The following LSAMP variants were observed in gnomAD, a reference collection of about 807,000 sequenced individuals.
LSAMP encodes limbic system-associated membrane protein.
LSAMP carries 7 observed loss-of-function variants against 38.6 expected under a neutral mutation model. That is an observed-to-expected ratio of 0.18 (90% confidence interval 0.10 to 0.34). The LOEUF (loss-of-function observed/expected upper bound fraction) is 0.34, where lower values mean the gene tolerates loss of function less well. Ranked by LOEUF, LSAMP falls within the 10% of genes least tolerant of loss-of-function variation. The pLI, the probability that LSAMP is intolerant of heterozygous loss-of-function variation, is 1.00. For synonymous variants in LSAMP, 154 were observed against 166.8 expected, an observed-to-expected ratio of 0.92 and a Z score of 0.59; for missense variants, 313 against 420.0, an observed-to-expected ratio of 0.75 and a Z score of 2.23.
At chr3:116,190,610 T>G (rs1042711767) in intron 1 of LSAMP, among the ~76,000 whole-genome samples, 1 of 152,184 alleles carries the variant, frequency 6.6e-6, no homozygotes, top group Admixed American at 6.5e-5. Flanking sequence ...CAGTAAAAAG[T>G]GTATGCATCA....
At chr3:115,928,097 A>G (rs1937521419) in intron 3 of LSAMP, among the ~76,000 whole-genome samples, 1 of 152,250 alleles carries the variant, frequency 6.6e-6, no homozygotes, top group Non-Finnish European at 1.5e-5. Context: ...TATATGCTCA[A>G]CAAAATTTGC....
intron 1 of LSAMP, among the ~76,000 whole-genome samples, chr3:116,221,014 G>A (rs759550108): frequency 4.6e-5 from 7 of 151,870 alleles, no homozygotes; most frequent in Non-Finnish European, 7.4e-5. Context: ...TTAGCCCGGC[G>A]TGGTGGCGGG....
chr3:116,161,106 G>C (rs1237526982), intron 1 of LSAMP, among the ~76,000 whole-genome samples: 2 of 152,142 alleles, frequency 1.3e-5, no homozygotes, highest in African/African-American at 4.8e-5. Flanking sequence ...AAGTGTGAAT[G>C]GTCACATGTG....
intron 1 of LSAMP, among the ~76,000 whole-genome samples, chr3:116,294,608 C>T (rs1312982260): frequency 6.6e-6 from 1 of 152,070 alleles, no homozygotes; most frequent in Non-Finnish European, 1.5e-5. Context: ...ATCAGTGTTT[C>T]CTATTGTGCC....
intron 2 of LSAMP, among the ~76,000 whole-genome samples, chr3:116,032,599 A>C (rs1316540257): frequency 6.6e-6 from 1 of 152,082 alleles, no homozygotes; most frequent in Non-Finnish European, 1.5e-5. Context: ...AGTTTGAGAC[A>C]AGCCTGGGCA....
At chr3:116,210,552 C>T (rs557997381) in intron 1 of LSAMP, among the ~76,000 whole-genome samples, 8 of 152,188 alleles carry the variant, frequency 5.3e-5, no homozygotes, top group African/African-American at 1.2e-4. Context: ...GCTGCATCGT[C>T]GGCTTCCCTA....
chr3:115,957,531 G>C (rs897735005), intron 3 of LSAMP, among the ~76,000 whole-genome samples: 1 of 152,036 alleles, frequency 6.6e-6, no homozygotes. Context: ...TCCTCAAAGG[G>C]ACATTAGGAC....
chr3:116,425,705 A>G (rs555612781), intron 1 of LSAMP, among the ~76,000 whole-genome samples: 1 of 152,308 alleles, frequency 6.6e-6, no homozygotes, highest in Admixed American at 6.5e-5. Flanking sequence ...ATCAGCAAAC[A>G]TAAGCACAAA....
At chr3:116,001,151 G>A (rs1228392926) in intron 3 of LSAMP, among the ~76,000 whole-genome samples, 1 of 151,922 alleles carries the variant, frequency 6.6e-6, no homozygotes, top group Non-Finnish European at 1.5e-5. Context: ...GGCAGTGCAA[G>A]TTCCTAAAGT....
intron 3 of LSAMP, among the ~76,000 whole-genome samples, chr3:115,980,521 C>G (rs1939326407): frequency 1.3e-5 from 2 of 152,106 alleles, no homozygotes; most frequent in African/African-American, 4.8e-5. Flanking sequence ...TAGCAGAAAA[C>G]AGTTCTATAT....
intron 3 of LSAMP, among the ~76,000 whole-genome samples, chr3:115,944,762 T>A (rs1371375226): frequency 1.3e-5 from 2 of 152,190 alleles, no homozygotes; most frequent in Non-Finnish European, 2.9e-5. Context: ...TAGAGGTGGC[T>A]GAGCTAGAAT....
chr3:115,936,785 A>C (rs1559887886), intron 3 of LSAMP, among the ~76,000 whole-genome samples: 1 of 152,156 alleles, frequency 6.6e-6, no homozygotes, highest in Non-Finnish European at 1.5e-5. Flanking sequence ...GGTGCTGGAA[A>C]TACATATAAT....
At chr3:116,301,752 C>G (rs942942892) in intron 1 of LSAMP, among the ~76,000 whole-genome samples, 1 of 152,092 alleles carries the variant, frequency 6.6e-6, no homozygotes, top group Non-Finnish European at 1.5e-5. Flanking sequence ...ACTTAGAATA[C>G]AAGTATAAAA....
intron 1 of LSAMP, among the ~76,000 whole-genome samples, chr3:116,309,438 T>C (rs1022818571): frequency 6.6e-6 from 1 of 152,124 alleles, no homozygotes; most frequent in African/African-American, 2.4e-5. Context: ...ATTAGTGAGA[T>C]TGAAGAGCTT....
chr3:116,435,710 GA>G (rs1245101949), intron 1 of LSAMP, among the ~76,000 whole-genome samples: 3 of 152,144 alleles, frequency 2.0e-5, no homozygotes, highest in Non-Finnish European at 2.9e-5. Flanking sequence ...TCTATTGGGG[GA>G]AAAAAGTTCT....
intron 6 of LSAMP, chr3:115,816,771 T>C (rs1377898108): frequency 6.9e-6 from 3 of 436,842 alleles, no homozygotes; most frequent in African/African-American, 6.2e-5. Flanking sequence ...GAAAGAACAT[T>C]TTAATAGGAA....
intron 3 of LSAMP, among the ~76,000 whole-genome samples, chr3:115,941,137 C>A (rs1409734086): frequency 6.6e-6 from 1 of 152,026 alleles, no homozygotes; most frequent in Non-Finnish European, 1.5e-5. Context: ...CCTGAATAGA[C>A]ATTTTTTCCA....
At chr3:115,823,721 A>G (rs898516126) in intron 6 of LSAMP, among the ~76,000 whole-genome samples, 1 of 152,264 alleles carries the variant, frequency 6.6e-6, no homozygotes, top group Non-Finnish European at 1.5e-5. Flanking sequence ...TGACAACATT[A>G]CAAGGAGAAT....
intron 3 of LSAMP, among the ~76,000 whole-genome samples, chr3:116,012,787 T>G (rs1021942926): frequency 3.3e-5 from 5 of 152,156 alleles, no homozygotes; most frequent in Non-Finnish European, 7.4e-5. Flanking sequence ...TAATACATAG[T>G]TAACTATAGT....
Sources: gnomAD v4.1 joint callset for allele counts (sites outside exome capture counted in the v4.1 genomes callset) on GRCh38, gnomAD v4.1.1 for gene constraint, MANE v1.5 for transcripts, NCBI Gene and HGNC (gene_info 2026-07-23, HGNC 2026-07-21) for gene names.